Variants in DLC1 observed in about 807,000 individuals in gnomAD.
The protein encoded by DLC1 is rho GTPase-activating protein 7.
A neutral mutation model predicts 140.3 loss-of-function variants in DLC1; 54 were observed. The ratio of observed to expected loss-of-function variants is 0.38; its 90% CI spans 0.31 to 0.48. The LOEUF is 0.48. DLC1 is among the 20% of genes least tolerant of loss of function. The pLI, the probability that DLC1 is intolerant of heterozygous loss-of-function variation, is 0.96. For missense variants in DLC1, 2,536 were observed against 1,907.0 expected (o/e 1.33, Z -6.14); for synonymous variants, 986 against 728.1 (o/e 1.35, Z -5.70).
chr8:13,527,163 A>G (rs1339354838), intron 1 of DLC1, among the ~76,000 whole-genome samples: 1 of 152,174 alleles, frequency 6.6e-6, no homozygotes, highest in East Asian at 1.9e-4. Context: ...TTTACTCCAT[A>G]GGATACAATC....
At chr8:13,501,354 G>A (rs1008690224) in intron 1 of DLC1, among the ~76,000 whole-genome samples, 2 of 152,052 alleles carry the variant, frequency 1.3e-5, no homozygotes, top group African/African-American at 4.8e-5. Context: ...TCAACTCAAC[G>A]TTATAAAAAT....
chr8:13,091,188 C>T, intron 14 of DLC1, 130 bp downstream of exon 14: 2 of 703,060 alleles, frequency 2.8e-6, no homozygotes, highest in Non-Finnish European at 4.7e-6. Flanking sequence ...ATAAGACATT[C>T]TCAGGCTATT....
intron 4 of DLC1, among the ~76,000 whole-genome samples, chr8:13,381,186 T>C (rs956519803): frequency 6.6e-6 from 1 of 152,156 alleles, no homozygotes; most frequent in African/African-American, 2.4e-5. Context: ...CTGGCAGTGC[T>C]TGTGTTTCTC....
At chr8:13,156,666 G>A (rs1376755927) in intron 5 of DLC1, among the ~76,000 whole-genome samples, 1 of 152,136 alleles carries the variant, frequency 6.6e-6, no homozygotes, top group Non-Finnish European at 1.5e-5. Flanking sequence ...AGAATGAAAG[G>A]TTATGAAAAT....
At chr8:13,158,034 T>G (rs1342718460) in intron 5 of DLC1, among the ~76,000 whole-genome samples, 1 of 152,264 alleles carries the variant, frequency 6.6e-6, no homozygotes, top group Non-Finnish European at 1.5e-5. Context: ...ACAAACCAGC[T>G]GGGCTTTGTT....
chr8:13,279,512 G>A (rs541373704), intron 5 of DLC1, among the ~76,000 whole-genome samples: 1 of 152,314 alleles, frequency 6.6e-6, no homozygotes, highest in South Asian at 2.1e-4. Context: ...TCTTGGCAGA[G>A]TATTTCAGGA....
At position 13,197,721 on chromosome 8, in the gene DLC1, G is replaced by C. The variant is rs551273438; in HGVS notation, c.1349-82064C>G. 3.3e-5 allele frequency among the ~76,000 whole-genome samples: 5 copies of C among 152,000 alleles called. No homozygotes were observed. In the South Asian group the frequency reaches 1.0e-3, roughly 32 times the overall value. On this transcript the variant is annotated intron_variant, in intron 5 of 17. Coordinates refer to ENST00000276297, the MANE Select transcript of DLC1 (RefSeq NM_182643.3). ...TTGTGACTAACATTTCCAGAATATG[G>C]ACTTTATGGGGGTAAACAAAAAAAG...
chr8:13,218,267 G>A (rs1404177090), intron 5 of DLC1, among the ~76,000 whole-genome samples: 3 of 152,064 alleles, frequency 2.0e-5, no homozygotes, highest in African/African-American at 4.8e-5. Context: ...CTATGTTTAA[G>A]AGCTAAAACT....
chr8:13,437,104 C>T (rs560730551), intron 2 of DLC1, among the ~76,000 whole-genome samples: 36 of 152,304 alleles, frequency 2.4e-4, no homozygotes, highest in Middle Eastern at 3.4e-3. Context: ...TCAATATTTA[C>T]GTAGTTCCTA....
intron 1 of DLC1, among the ~76,000 whole-genome samples, chr8:13,555,853 T>C (rs1371594167): frequency 6.6e-6 from 1 of 152,012 alleles, no homozygotes; most frequent in African/African-American, 2.4e-5. Context: ...AGTAAGTTTA[T>C]TTTTGTTACA....
At position 13,099,386 on chromosome 8, in the gene DLC1, C is replaced by T; in HGVS notation, c.2951G>A (p.Arg984Lys). The part of the protein sequence containing the change: ...PEEPSEIPER[R>K]DSGVGASLTR... ...TAGGGAAGCCCCAACCCCAGAATCC[C>T]TTCTTTCCGGGATCTCGGAGGGCTC... The change falls in exon 9 of 18, where the codon AGG (arginine) becomes AAG (lysine). Residue 984 changes from arginine to lysine, a missense_variant. By Grantham distance (26) the Arg-to-Lys change is conservative. Coordinates refer to ENST00000276297, the MANE Select transcript of DLC1 (RefSeq NM_182643.3). 6.2e-7 allele frequency: 1 copy of T among 1,614,072 alleles called. No homozygotes were observed. The highest frequency in any genetic ancestry group is 8.5e-7 in the Non-Finnish European group (1 of 1,180,012).
At chr8:13,250,272 A>G (rs1250383140) in intron 5 of DLC1, among the ~76,000 whole-genome samples, 1 of 152,186 alleles carries the variant, frequency 6.6e-6, no homozygotes. Context: ...TGATAGAACA[A>G]TATTGTCCCC....
chr8:13,258,151 A>G (rs989591525), intron 5 of DLC1, among the ~76,000 whole-genome samples: 2 of 152,108 alleles, frequency 1.3e-5, no homozygotes, highest in African/African-American at 4.8e-5. Flanking sequence ...GAGAAACAAA[A>G]CATTCCAGTC....
intron 2 of DLC1, among the ~76,000 whole-genome samples, chr8:13,440,794 T>C (rs1798472377): frequency 6.6e-6 from 1 of 152,126 alleles, no homozygotes; most frequent in Non-Finnish European, 1.5e-5. Context: ...GATTCTGCAT[T>C]TGCTTCTTCC....
intron 3 of DLC1, 150 bp from the exon 4 acceptor site, chr8:13,393,843 C>A (rs1296619264): frequency 3.4e-6 from 3 of 872,300 alleles, no homozygotes; most frequent in Non-Finnish European, 5.2e-6. Flanking sequence ...ACGTGTCACA[C>A]ATAATCATGC....
At position 13,406,350 on chromosome 8, in the gene DLC1, C is replaced by T. The variant is rs960570075; in HGVS notation, c.1024-4731G>A. On this transcript the variant is annotated intron_variant, in intron 2 of 17. Coordinates refer to ENST00000276297, the MANE Select transcript of DLC1 (RefSeq NM_182643.3). The stretch of plus-strand genomic sequence containing the variant: ...GTTCTTTAAACTTTTATTTAGCAAT[C>T]ATTTAAGGTATGTTTATTGACCACT... Among the ~76,000 whole-genome samples, 6 of 151,968 alleles carry T rather than the reference C, an allele frequency of 3.9e-5. No individual in the cohort carries two copies. In the East Asian group the frequency reaches 1.2e-3, roughly 30 times the overall value.
chr8:13,221,890 AATT>A (rs1828574995), intron 5 of DLC1, among the ~76,000 whole-genome samples: 1 of 143,808 alleles, frequency 7.0e-6, no homozygotes, highest in Non-Finnish European at 1.5e-5. Context: ...ATTAATATAT[AATT>A]ATATATTAAA....
Position 13,242,556 on chromosome 8 carries a change from T to C in DLC1, c.1348+62713A>G, listed in dbSNP as rs190102201. Among the ~76,000 whole-genome samples the C allele has an allele frequency of 1.8e-3, 278 of 152,176 alleles. 1 individual carries two copies. The highest frequency in any genetic ancestry group is 3.0e-3 in the Non-Finnish European group (205 of 67,992). On this transcript the variant is annotated intron_variant, in intron 5 of 17. Transcript: ENST00000276297. ...GACTACAAGTGCATGCCACTACATC[T>C]GTACTTTTTTAATTTTTTGTACAGA...
chr8:13,170,721 C>G (rs1198057017), intron 5 of DLC1, among the ~76,000 whole-genome samples: 2 of 138,666 alleles, frequency 1.4e-5, no homozygotes, highest in East Asian at 4.1e-4. Flanking sequence ...CAGAGCAAGA[C>G]TCCATCTCAA....
Sources: gnomAD v4.1 joint callset for allele counts (sites outside exome capture counted in the v4.1 genomes callset) on GRCh38, gnomAD v4.1.1 for gene constraint, MANE v1.5 for transcripts, NCBI Gene and HGNC (gene_info 2026-07-23, HGNC 2026-07-21) for gene names.